NCOR2: variants seen among roughly 807,000 people sequenced by gnomAD.
The protein encoded by NCOR2 is CTG repeat protein 26.
In NCOR2, 81 loss-of-function variants were observed where a neutral mutation model predicts 262.9. That is an observed-to-expected ratio of 0.31 (90% CI 0.26 to 0.37). NCOR2 has a LOEUF of 0.37. Ranked by LOEUF, NCOR2 falls within the 10% of genes least tolerant of loss-of-function variation. NCOR2 has a pLI of 1.00. For synonymous variants in NCOR2, 1,659 were observed against 1,559.3 expected (o/e 1.06, Z -1.51); for missense variants, 3,385 against 3,621.4 (o/e 0.93, Z 1.68).
chr12:124,349,814 C>T (rs114966977), intron 28 of NCOR2, among the ~76,000 whole-genome samples: 1,643 of 152,278 alleles, frequency 0.011, 36 homozygotes, highest in African/African-American at 0.037. Context: ...AGGCTTCCCG[C>T]CACCCCCAGG....
intron 43 of NCOR2, among the ~76,000 whole-genome samples, chr12:124,331,310 G>A (rs767413762): frequency 4.7e-4 from 71 of 152,216 alleles, no homozygotes; most frequent in Non-Finnish European, 8.5e-4. Flanking sequence ...TGATCCACCC[G>A]CCTTGACCTC....
At chr12:124,350,627 G>C in exon 28 of NCOR2, 2 of 1,614,000 alleles carry the variant, frequency 1.2e-6, no homozygotes, top group South Asian at 2.2e-5. Context: ...CTTCGTAGAT[G>C]ACGTGGCCCT....
intron 1 of NCOR2, among the ~76,000 whole-genome samples, chr12:124,500,918 G>T (rs1005592868): frequency 2.0e-5 from 3 of 152,168 alleles, no homozygotes; most frequent in Admixed American, 2.0e-4. Flanking sequence ...GGCACGCGGG[G>T]CTCTGCGCCG....
At chr12:124,387,259 G>A (rs1031909899) in intron 16 of NCOR2, among the ~76,000 whole-genome samples, 2 of 114,564 alleles carry the variant, frequency 1.7e-5, no homozygotes, top group African/African-American at 3.4e-5. Context: ...CCCACGTGCT[G>A]GCTGCCTGCC....
chr12:124,444,119 T>A (rs74316626), intron 7 of NCOR2, among the ~76,000 whole-genome samples: 1,695 of 152,194 alleles, frequency 0.011, 29 homozygotes, highest in African/African-American at 0.037. Context: ...AACGTTTTTT[T>A]AAGTGTTTAT....
chr12:124,401,897 G>A (rs1330559506), intron 14 of NCOR2, among the ~76,000 whole-genome samples: 1 of 152,220 alleles, frequency 6.6e-6, no homozygotes, highest in Non-Finnish European at 1.5e-5. Context: ...GCAGCCCCTG[G>A]CAGGCACAGG....
intron 44 of NCOR2, 151 bp downstream of exon 46, chr12:124,330,694 C>CT (rs886901071): frequency 8.6e-6 from 7 of 815,168 alleles, no homozygotes; most frequent in Non-Finnish European, 1.2e-5. Flanking sequence ...TTGTGTGACT[C>CT]TGAATCCTAC....
At chr12:124,403,966 G>A (rs910587048) in intron 13 of NCOR2, among the ~76,000 whole-genome samples, 1 of 152,148 alleles carries the variant, frequency 6.6e-6, no homozygotes, top group South Asian at 2.1e-4. Context: ...AGAGTTGCCC[G>A]ACCTGGAACA....
chr12:124,353,151 C>T (rs2037646306), intron 27 of NCOR2, among the ~76,000 whole-genome samples: 1 of 152,204 alleles, frequency 6.6e-6, no homozygotes, highest in Admixed American at 6.5e-5. Context: ...GTCATGGCCA[C>T]TCAGGAACCC....
chr12:124,509,868 C>T (rs1446607309), intron 1 of NCOR2, among the ~76,000 whole-genome samples: 4 of 152,174 alleles, frequency 2.6e-5, no homozygotes, highest in African/African-American at 4.8e-5. Context: ...CACCCCCCGA[C>T]GGCCGCCCCC....
At chr12:124,325,612 A>G in intron 46 of NCOR2, 29 bp from the exon 49 acceptor site, 1 of 1,262,398 alleles carries the variant, frequency 7.9e-7, no homozygotes, top group Middle Eastern at 2.4e-4. Context: ...GATGCCCAGG[A>G]GGCCTCTGTG....
In NCOR2 at chr12:124,503,550, C is replaced by T. The variant is rs1274847323; in HGVS notation, c.-117-8182G>A. ...ACAGATGAATGGATGGATGGATGGA[C>T]GAATGGATGGATGGATAGATGGAAG... On this transcript the variant is annotated intron_variant, in intron 1 of 46. Transcript: ENST00000404621. The surrounding 1 kb of genome is among the most constrained non-coding windows in gnomAD (Gnocchi z 4.3). Among the ~76,000 whole-genome samples, 1 of 140,472 alleles carries T rather than the reference C, an allele frequency of 7.1e-6. No homozygotes were observed. The allele number at this position is 140,472 out of a possible 152,430, so 92.2% of individuals were successfully genotyped here. A position where few individuals can be genotyped will look rare whatever the true frequency, so the allele number is the denominator to read the frequency against.
At chr12:124,551,754 C>T (rs1345294418) in intron 1 of NCOR2, among the ~76,000 whole-genome samples, 1 of 152,210 alleles carries the variant, frequency 6.6e-6, no homozygotes, top group Non-Finnish European at 1.5e-5. Flanking sequence ...CAGGTTTCTG[C>T]ATGCAGGCCC....
At chr12:124,418,605 T>C (rs1323462564) in intron 13 of NCOR2, among the ~76,000 whole-genome samples, 1 of 152,194 alleles carries the variant, frequency 6.6e-6, no homozygotes, top group Non-Finnish European at 1.5e-5. Context: ...TTTACCATTC[T>C]CTGGGGACAC....
intron 3 of NCOR2, among the ~76,000 whole-genome samples, chr12:124,479,398 C>A (rs1275875933): frequency 6.6e-6 from 1 of 152,088 alleles, no homozygotes; most frequent in Non-Finnish European, 1.5e-5. Flanking sequence ...CGCATGGACA[C>A]ACGCACGCAC....
intron 1 of NCOR2, among the ~76,000 whole-genome samples, chr12:124,559,198 G>C (rs1004767887): frequency 2.0e-5 from 3 of 152,200 alleles, no homozygotes; most frequent in Non-Finnish European, 2.9e-5. Flanking sequence ...TGCAAAGAAA[G>C]GCCAGCAGGA....
At chr12:124,474,893 C>T (rs574571620) in intron 3 of NCOR2, among the ~76,000 whole-genome samples, 1 of 152,118 alleles carries the variant, frequency 6.6e-6, no homozygotes, top group Admixed American at 6.5e-5. Flanking sequence ...CCCGCCCCCG[C>T]AGCAGCTGCA....
intron 20 of NCOR2, among the ~76,000 whole-genome samples, chr12:124,368,293 G>A (rs1238899755): frequency 2.0e-5 from 3 of 152,178 alleles, no homozygotes; most frequent in Non-Finnish European, 4.4e-5. Flanking sequence ...CACGAGAGGG[G>A]GAATAAGGGC....
rs748712433 is a variant in NCOR2 at position 124,346,695 on chromosome 12, C to T, written c.4228G>A (p.Ala1410Thr). The T allele has an allele frequency of 7.6e-6, 12 of 1,571,748 alleles. No homozygotes were observed. The East Asian group carries it at 2.5e-4, about 33-fold the overall frequency. The change falls in exon 31 of 47, where the codon GCC becomes ACC. Residue 1410 changes from alanine to threonine, a missense_variant. Ala to Thr is a moderately conservative substitution (Grantham distance 58, BLOSUM62 0). Transcript: ENST00000405201. Reference sequence around the variant, plus strand: ...ACCGTGGCCACCAGGCCCTCATGGGCCGGCTTCAGCTTCAGGGGGCCCAGG... The same window carrying T: ...ACCGTGGCCACCAGGCCCTCATGGGTCGGCTTCAGCTTCAGGGGGCCCAGG...
Sources: allele counts gnomAD v4.1 joint callset (sites outside exome capture counted in the v4.1 genomes callset), GRCh38; gene constraint gnomAD v4.1.1; non-coding constraint Gnocchi (gnomAD v3.1); transcripts MANE v1.5; gene names NCBI Gene and HGNC (gene_info 2026-07-23, HGNC 2026-07-21).